The following PHLPP1 variants were observed in gnomAD, a reference collection of about 807,000 sequenced individuals.
PHLPP1 encodes PH domain and leucine rich repeat protein phosphatase 1.
Under a neutral mutation model 117.2 loss-of-function variants are expected in PHLPP1, and 42 were observed. The observed-to-expected ratio is 0.36, with a 90% CI of 0.28 to 0.46. The LOEUF is 0.46. Ranked by LOEUF, PHLPP1 falls within the 20% of genes least tolerant of loss-of-function variation. The pLI is 1.00. For missense variants in PHLPP1, 2,084 were observed against 2,241.9 expected (o/e 0.93, Z 1.42); for synonymous variants, 1,042 against 970.7 (o/e 1.07, Z -1.37).
chr18:62,840,842 A>G (rs900437629), intron 3 of PHLPP1, among the ~76,000 whole-genome samples: 3 of 152,232 alleles, frequency 2.0e-5, no homozygotes, highest in Non-Finnish European at 2.9e-5. Context: ...TCTCTCAAGT[A>G]TAAGAAACCA....
intron 12 of PHLPP1, among the ~76,000 whole-genome samples, chr18:62,953,223 T>C (rs570994039): frequency 6.6e-6 from 1 of 152,364 alleles, no homozygotes; most frequent in South Asian, 2.1e-4. Context: ...AGACTACTTC[T>C]GTATGAGACA....
At chr18:62,901,822 G>T (rs1021696432) in intron 6 of PHLPP1, among the ~76,000 whole-genome samples, 4 of 151,610 alleles carry the variant, frequency 2.6e-5, no homozygotes, top group Non-Finnish European at 5.9e-5. Context: ...TAGAGATGGG[G>T]TTTCACCATG....
intron 1 of PHLPP1, among the ~76,000 whole-genome samples, chr18:62,817,851 CTTTTTTTT>C (rs71340119): frequency 5.8e-5 from 5 of 85,966 alleles, no homozygotes; most frequent in Non-Finnish European, 1.1e-4. Context: ...TGGCAACAGA[CTTTTTTTT>C]TTTTTTTTTT....
intron 1 of PHLPP1, among the ~76,000 whole-genome samples, chr18:62,789,561 G>C (rs763459465): frequency 3.9e-5 from 6 of 152,164 alleles, no homozygotes; most frequent in Admixed American, 2.0e-4. Flanking sequence ...GGTGCAGTAG[G>C]GGGTGGGGAC....
At chr18:62,857,589 C>A (rs1001606274) in intron 3 of PHLPP1, among the ~76,000 whole-genome samples, 1 of 152,112 alleles carries the variant, frequency 6.6e-6, no homozygotes, top group African/African-American at 2.4e-5. Flanking sequence ...TGCAGTTCCC[C>A]TTAGGATCAT....
At chr18:62,776,860 C>T (rs775768180) in intron 1 of PHLPP1, among the ~76,000 whole-genome samples, 12 of 152,070 alleles carry the variant, frequency 7.9e-5, no homozygotes, top group South Asian at 2.1e-4. Flanking sequence ...CACCTGCCTC[C>T]GCCTCCCAAA....
chr18:62,790,536 A>G (rs1298029696), intron 1 of PHLPP1, among the ~76,000 whole-genome samples: 1 of 152,222 alleles, frequency 6.6e-6, no homozygotes, highest in Non-Finnish European at 1.5e-5. Context: ...GGGCATCTAT[A>G]AAGCTCAGTA....
chr18:62,879,123 A>G (rs1440730570), intron 4 of PHLPP1, among the ~76,000 whole-genome samples: 1 of 152,154 alleles, frequency 6.6e-6, no homozygotes, highest in Admixed American at 6.5e-5. Context: ...TCCAAAGTTG[A>G]TGTGTTGGAA....
chr18:62,962,064 A>G (rs557064563), intron 13 of PHLPP1, among the ~76,000 whole-genome samples: 1 of 152,318 alleles, frequency 6.6e-6, no homozygotes, highest in African/African-American at 2.4e-5. Flanking sequence ...AGAACTATGT[A>G]GGTGTTGCTT....
chr18:62,953,136 A>G (rs774105364), intron 12 of PHLPP1, among the ~76,000 whole-genome samples: 2 of 152,238 alleles, frequency 1.3e-5, no homozygotes, highest in African/African-American at 4.8e-5. Context: ...GAAATAGTAC[A>G]TATGTGTGCA....
chr18:62,719,458 A>T (rs1233697687), intron 1 of PHLPP1, among the ~76,000 whole-genome samples: 1 of 152,184 alleles, frequency 6.6e-6, no homozygotes, highest in African/African-American at 2.4e-5. Flanking sequence ...ATTTATGGAA[A>T]CGTTGTCAGG....
At position 62,717,098 on chromosome 18, in the gene PHLPP1, A is replaced by G; in HGVS notation, c.1415A>G (p.Tyr472Cys). 7.6e-7 allele frequency: 1 copy of G among 1,323,592 alleles called. No homozygotes were observed. Among genetic ancestry groups the G allele is most frequent in the Non-Finnish European group, 1.1e-6 (1 of 948,492 alleles). 82.0% of individuals were successfully genotyped at this position (1,323,592 alleles called of 1,614,324 possible). A position where few individuals can be genotyped will look rare whatever the true frequency, so the allele number is the denominator to read the frequency against. The change falls in exon 1 of 17, where the codon TAC becomes TGC. Residue 472 changes from tyrosine (Y) to cysteine (C), a missense_variant. Physicochemically the swap from Tyr to Cys is radical, Grantham distance 194. Coordinates refer to ENST00000262719, the MANE Select transcript of PHLPP1 (RefSeq NM_194449.4). ...APPPPPPPTLYVQLHGETTRR... is the reference protein window; with the variant it reads ...APPPPPPPTLCVQLHGETTRR... ...CCGCCGCCCCCGCCGCCCACCCTGT[A>G]CGTGCAGCTCCACGGAGAGACCACC...
chr18:62,741,266 A>G (rs1599021055), intron 1 of PHLPP1, among the ~76,000 whole-genome samples: 1 of 152,158 alleles, frequency 6.6e-6, no homozygotes. Flanking sequence ...GGAACTTTGT[A>G]TTTATTGGGC....
intron 4 of PHLPP1, among the ~76,000 whole-genome samples, chr18:62,893,561 A>G (rs374347086): frequency 2.4e-4 from 37 of 152,386 alleles, no homozygotes; most frequent in African/African-American, 7.9e-4. Flanking sequence ...CTTTCCATTT[A>G]GAATCAACTT....
intron 11 of PHLPP1, among the ~76,000 whole-genome samples, chr18:62,943,185 T>C (rs914901752): frequency 6.6e-6 from 1 of 152,146 alleles, no homozygotes; most frequent in Non-Finnish European, 1.5e-5. Flanking sequence ...AGAGAAACTT[T>C]TAACACACCT....
intron 1 of PHLPP1, among the ~76,000 whole-genome samples, chr18:62,826,552 G>A (rs1044044827): frequency 5.3e-5 from 8 of 152,094 alleles, no homozygotes; most frequent in East Asian, 1.9e-4. Flanking sequence ...GCAATTTGGC[G>A]CAGAGAACAT....
chr18:62,875,912 T>C (rs1916039011), intron 4 of PHLPP1, among the ~76,000 whole-genome samples: 1 of 151,938 alleles, frequency 6.6e-6, no homozygotes, highest in Non-Finnish European at 1.5e-5. Flanking sequence ...TTTGTATTTT[T>C]AGTAAAGACG....
chr18:62,808,753 C>T lies in PHLPP1; in HGVS notation c.1577-21282C>T, dbSNP rs867935516. On this transcript the variant is annotated intron_variant, in intron 1 of 16. Transcript: ENST00000262719. ...ATTTTTAGTAGAGACGGGATTTCTCCATGTTGGTCAGGCTGGTCTCAAACT... is the reference window on the plus strand; with the variant it reads ...ATTTTTAGTAGAGACGGGATTTCTCTATGTTGGTCAGGCTGGTCTCAAACT... Among the ~76,000 whole-genome samples, 3 of 152,180 alleles carry T rather than the reference C, an allele frequency of 2.0e-5. No individual in the cohort carries two copies. The South Asian group carries it at 6.2e-4, about 32-fold the overall frequency.
intron 14 of PHLPP1, among the ~76,000 whole-genome samples, chr18:62,965,294 A>G (rs930673233): frequency 6.6e-6 from 1 of 152,048 alleles, no homozygotes; most frequent in African/African-American, 2.4e-5. Context: ...ACCTTAAAAG[A>G]AGGGGAAAAC....
Sources: gnomAD v4.1 joint callset for allele counts (sites outside exome capture counted in the v4.1 genomes callset) on GRCh38, gnomAD v4.1.1 for gene constraint, MANE v1.5 for transcripts, NCBI Gene and HGNC (gene_info 2026-07-23, HGNC 2026-07-21) for gene names.